Variants in RERE observed in about 807,000 individuals in gnomAD.
RERE encodes arginine-glutamic acid dipeptide repeats, also known as arginine-glutamic acid dipeptide repeats protein.
Under a neutral mutation model 146.1 loss-of-function variants are expected in RERE, and 40 were observed. The ratio of observed to expected loss-of-function variants is 0.27; its 90% confidence interval spans 0.21 to 0.36. RERE has a LOEUF of 0.36. Ranked by LOEUF, RERE falls within the 10% of genes least tolerant of loss-of-function variation. The pLI is 1.00. For synonymous variants in RERE, 1,003 were observed against 866.0 expected (o/e 1.16, Z -2.78); for missense variants, 1,933 against 2,138.7 (o/e 0.90, Z 1.90).
intron 7 of RERE, among the ~76,000 whole-genome samples, chr1:8,520,087 G>GA (rs1475990416): frequency 1.3e-5 from 2 of 151,984 alleles, no homozygotes; most frequent in Non-Finnish European, 2.9e-5. Context: ...AAATACAAAT[G>GA]AAAAAACAAA....
At chr1:8,448,307 G>T (rs1293486706) in intron 11 of RERE, among the ~76,000 whole-genome samples, 1 of 152,148 alleles carries the variant, frequency 6.6e-6, no homozygotes, top group Non-Finnish European at 1.5e-5. Flanking sequence ...TACAGCAACT[G>T]GTCCAAGGCA....
At chr1:8,464,752 T>C (rs1163496938) in intron 11 of RERE, among the ~76,000 whole-genome samples, 1 of 152,174 alleles carries the variant, frequency 6.6e-6, no homozygotes, top group Non-Finnish European at 1.5e-5. Context: ...TACCAGGACT[T>C]TCCTGATCCT....
At chr1:8,615,455 T>C (rs1413705788) in intron 3 of RERE, among the ~76,000 whole-genome samples, 3 of 152,246 alleles carry the variant, frequency 2.0e-5, no homozygotes, top group African/African-American at 7.2e-5. Flanking sequence ...GAGCAACTTC[T>C]GAAAGCTAGC....
intron 12 of RERE, among the ~76,000 whole-genome samples, chr1:8,376,793 T>C (rs1376978053): frequency 6.6e-6 from 1 of 152,268 alleles, no homozygotes; most frequent in African/African-American, 2.4e-5. Context: ...ACAAAGCATC[T>C]TTCCAAACTG....
intron 7 of RERE, among the ~76,000 whole-genome samples, chr1:8,509,356 T>C (rs1645299309): frequency 6.6e-6 from 1 of 152,042 alleles, no homozygotes; most frequent in Non-Finnish European, 1.5e-5. Context: ...CCATAAGCCT[T>C]ATAAAATACA....
chr1:8,769,576 C>T (rs1640907140), intron 1 of RERE, among the ~76,000 whole-genome samples: 1 of 152,054 alleles, frequency 6.6e-6, no homozygotes, highest in Non-Finnish European at 1.5e-5. Context: ...ACCTCCAAGG[C>T]TCAAGCGATC....
intron 7 of RERE, among the ~76,000 whole-genome samples, chr1:8,524,373 T>G (rs931833641): frequency 6.6e-5 from 10 of 152,184 alleles, no homozygotes; most frequent in Admixed American, 5.2e-4. Flanking sequence ...GTGACTAGAA[T>G]TCACCAACAT....
At chr1:8,605,840 C>G in intron 4 of RERE, among the ~76,000 whole-genome samples, 1 of 62,798 alleles carries the variant, frequency 1.6e-5, no homozygotes, top group African/African-American at 6.4e-5. Flanking sequence ...GTGTTAAATA[C>G]CAAACTTTTT....
At chr1:8,606,485 A>G (rs1359317192) in intron 4 of RERE, among the ~76,000 whole-genome samples, 2 of 152,214 alleles carry the variant, frequency 1.3e-5, no homozygotes, top group Non-Finnish European at 2.9e-5. Flanking sequence ...GAGAAAAATT[A>G]TATCTGTAAG....
rs575521958 is a variant in RERE, at chr1:8,405,035, G to T, written c.1284+17692C>A. Among the ~76,000 whole-genome samples, 5 of 152,312 alleles carry T rather than the reference G, an allele frequency of 3.3e-5. No individual in the cohort carries two copies. In the South Asian group the frequency reaches 6.2e-4, roughly 19 times the overall value. ...TTTGCTTTTTGGGGCGTGGGGGAGG[G>T]TGAGGGAGTGGCAGAGGTGTTGTTT... On this transcript the variant is annotated intron_variant, in intron 12 of 22. Coordinates refer to ENST00000400908, the MANE Select transcript of RERE (RefSeq NM_001042681.2).
intron 11 of RERE, among the ~76,000 whole-genome samples, chr1:8,453,826 T>A (rs1053083517): frequency 3.2e-4 from 48 of 152,188 alleles, no homozygotes; most frequent in Admixed American, 2.6e-4. Flanking sequence ...AATTTTTTTT[T>A]AATTCATTTT....
chr1:8,423,728 C>A lies in RERE; in HGVS notation c.1204-921G>T, dbSNP rs1181194216. The A allele has an allele frequency of 9.2e-6, 9 of 978,426 alleles. No individual in the cohort carries two copies. In the African/African-American group the frequency reaches 1.4e-4, roughly 15 times the overall value. The allele number at this position is 978,426 out of a possible 1,614,324, so 60.6% of individuals were successfully genotyped here. A position where few individuals can be genotyped will look rare whatever the true frequency, so the allele number is the denominator to read the frequency against. On this transcript the variant is annotated intron_variant, in intron 11 of 22. Transcript: ENST00000400908. This position sits in a 1 kb window ranked among gnomAD's most constrained non-coding sequence, Gnocchi z 5.4. ...GGCGTGTGACCGCGGCGGGGCCGCG[C>A]GGCGCGGGGCCCGGGGGGCGCGGGG...
chr1:8,754,793 A>G (rs1569719794), intron 1 of RERE, among the ~76,000 whole-genome samples: 2 of 152,250 alleles, frequency 1.3e-5, no homozygotes, highest in African/African-American at 2.4e-5. Flanking sequence ...TCAGATCTTA[A>G]TATGTATTTA....
At position 8,765,729 on chromosome 1, in the gene RERE, G is replaced by A. The variant is rs144939839; in HGVS notation, c.-145+51431C>T. ...AGCACTTTGGGAGACCGAGGCAGGC[G>A]GATCACAAGGTCAGGAGATCGAGAC... On this transcript the variant is annotated intron_variant, in intron 1 of 22. Coordinates refer to ENST00000400908, the MANE Select transcript of RERE (RefSeq NM_001042681.2). Among the ~76,000 whole-genome samples the A allele has an allele frequency of 5.5e-3, 835 of 152,270 alleles. 9 individuals carry two copies. Among genetic ancestry groups the A allele is most frequent in the African/African-American group, 0.019 (797 of 41,558 alleles).
intron 1 of RERE, among the ~76,000 whole-genome samples, chr1:8,762,468 A>G (rs1640773410): frequency 6.6e-6 from 1 of 152,240 alleles, no homozygotes; most frequent in Non-Finnish European, 1.5e-5. Flanking sequence ...TTTTTAAAAC[A>G]TACAAATTGT....
chr1:8,691,442 A>C (rs1319777847), intron 1 of RERE, among the ~76,000 whole-genome samples: 1 of 152,216 alleles, frequency 6.6e-6, no homozygotes, highest in Non-Finnish European at 1.5e-5. Flanking sequence ...CGCACAAGTC[A>C]ATGGCCTCAA....
rs567264980 is a variant in RERE, at chr1:8,705,073, G to C, written c.-144-48632C>G. On this transcript the variant is annotated intron_variant, in intron 1 of 22. Transcript: ENST00000400908. ...GGACACACTTCCAATTTTCTAACCAGCTATATCCAGACACATGGCACAGGC... is the reference window on the plus strand; with the variant it reads ...GGACACACTTCCAATTTTCTAACCACCTATATCCAGACACATGGCACAGGC... Among the ~76,000 whole-genome samples the C allele has an allele frequency of 2.8e-4, 43 of 152,294 alleles. No individual in the cohort carries two copies. In the South Asian group the frequency reaches 8.9e-3, roughly 32 times the overall value.
chr1:8,687,195 T>C (rs575120472), intron 1 of RERE, among the ~76,000 whole-genome samples: 6 of 152,246 alleles, frequency 3.9e-5, no homozygotes, highest in South Asian at 2.1e-4. Context: ...ATCAACATTA[T>C]GAGAGACAGG....
At chr1:8,530,392 G>GT (rs1399261305) in intron 7 of RERE, among the ~76,000 whole-genome samples, 2 of 152,116 alleles carry the variant, frequency 1.3e-5, no homozygotes, top group Non-Finnish European at 2.9e-5. Context: ...AGTAAAAGCT[G>GT]TAACATGAAA....
Sources: gnomAD v4.1 joint callset for allele counts (sites outside exome capture counted in the v4.1 genomes callset) on GRCh38, gnomAD v4.1.1 for gene constraint, Gnocchi (gnomAD v3.1) non-coding constraint, MANE v1.5 for transcripts, NCBI Gene and HGNC (gene_info 2026-07-23, HGNC 2026-07-21) for gene names.